The following SLCO1A2 variants were observed in gnomAD, a reference collection of about 807,000 sequenced individuals.
The protein encoded by SLCO1A2 is OATP-1.
SLCO1A2 carries 67 observed loss-of-function variants against 69.0 expected under a neutral mutation model. The observed-to-expected ratio is 0.97, with a 90% CI of 0.80 to 1.19. The LOEUF (loss-of-function observed/expected upper bound fraction) is 1.19. Among genes scored for constraint, SLCO1A2 ranks in the 50% most tolerant of loss-of-function variants. The pLI, the probability that SLCO1A2 is intolerant of heterozygous loss-of-function variation, is 0.00. For synonymous variants in SLCO1A2, 260 were observed against 265.9 expected (o/e 0.98, Z 0.22); for missense variants, 787 against 793.7 (o/e 0.99, Z 0.10).
chr12:21,275,300 TA>T (rs764101200), intron 13 of SLCO1A2, 59 bp downstream of exon 13: 4 of 1,389,586 alleles, frequency 2.9e-6, no homozygotes, highest in African/African-American at 2.9e-5. Context: ...TAAAGTGTAA[TA>T]AAAAATAATA....
chr12:21,361,783 G>A (rs1262998541), intron 2 of SLCO1A2, among the ~76,000 whole-genome samples: 1 of 152,164 alleles, frequency 6.6e-6, no homozygotes, highest in Non-Finnish European at 1.5e-5. Flanking sequence ...TCAAATAGAA[G>A]AAAGGGTATC....
chr12:21,397,731 G>T (rs1420498994), upstream of SLCO1A2, among the ~76,000 whole-genome samples: 8 of 140,018 alleles, frequency 5.7e-5, no homozygotes, highest in Admixed American at 5.9e-4. Context: ...ACTCAAAACC[G>T]CTCAACTACA....
chr12:21,291,563 A>C (rs781527704), intron 12 of SLCO1A2, among the ~76,000 whole-genome samples: 1 of 152,216 alleles, frequency 6.6e-6, no homozygotes, highest in Non-Finnish European at 1.5e-5. Flanking sequence ...ATTGTTTACT[A>C]GGCACAAAGA....
intron 2 of SLCO1A2, among the ~76,000 whole-genome samples, chr12:21,340,967 T>G (rs1953050445): frequency 6.6e-6 from 1 of 151,968 alleles, no homozygotes; most frequent in Non-Finnish European, 1.5e-5. Flanking sequence ...ATAAACAATA[T>G]ATACTGCTTT....
At chr12:21,347,075 G>A (rs931885443) in intron 2 of SLCO1A2, among the ~76,000 whole-genome samples, 1 of 151,718 alleles carries the variant, frequency 6.6e-6, no homozygotes, top group Non-Finnish European at 1.5e-5. Flanking sequence ...CTTTTGATAA[G>A]TTGAATTAAA....
intron 1 of SLCO1A2, among the ~76,000 whole-genome samples, chr12:21,404,160 A>T (rs913876008): frequency 2.6e-5 from 4 of 152,170 alleles, no homozygotes; most frequent in African/African-American, 9.7e-5. Flanking sequence ...ATTAGGGGCT[A>T]TGTAAAGTAA....
intron 12 of SLCO1A2, among the ~76,000 whole-genome samples, chr12:21,290,120 ATATT>A (rs1348761754): frequency 4.0e-5 from 6 of 151,864 alleles, no homozygotes; most frequent in African/African-American, 1.5e-4. Context: ...TATAATTTAT[ATATT>A]TATATATAGT....
chr12:21,363,353 C>G (rs1421532863), intron 2 of SLCO1A2, among the ~76,000 whole-genome samples: 6 of 152,036 alleles, frequency 3.9e-5, no homozygotes, highest in Non-Finnish European at 5.9e-5. Context: ...CGAATGAGAA[C>G]AAAGACACAA....
intron 2 of SLCO1A2, among the ~76,000 whole-genome samples, chr12:21,344,195 C>T (rs1324984249): frequency 6.6e-6 from 1 of 152,038 alleles, no homozygotes; most frequent in African/African-American, 2.4e-5. Context: ...TATTAAAAAA[C>T]TATATTTCCT....
intron 1 of SLCO1A2, among the ~76,000 whole-genome samples, chr12:21,402,148 AC>A (rs1252541849): frequency 2.4e-4 from 36 of 150,780 alleles, no homozygotes; most frequent in Non-Finnish European, 4.4e-4. Flanking sequence ...AAAAAAAAAA[AC>A]CAAGAAACTA....
intron 1 of SLCO1A2, among the ~76,000 whole-genome samples, chr12:21,385,593 A>G (rs1459064942): frequency 6.6e-6 from 1 of 152,200 alleles, no homozygotes; most frequent in East Asian, 1.9e-4. Context: ...AAAAAGAGCA[A>G]AAGAGAAGGG....
chr12:21,324,534 CA>C (rs1375523777), intron 2 of SLCO1A2: 2 of 152,098 alleles, frequency 1.3e-5, no homozygotes, highest in Admixed American at 6.6e-5. Flanking sequence ...TGTTATAAAA[CA>C]AAAGACTCTT....
In SLCO1A2 at chr12:21,297,378, A is replaced by C. The variant is rs761937071; in HGVS notation, c.1075+26T>G. ...CTGTTCGTGGGGGGGAAAGTGTGCT[A>C]GTAAGGCAGAGAAAAACAAACATAC... is the stretch of plus-strand genomic sequence containing the variant. On this transcript the variant is annotated intron_variant, in intron 9 of 14. Transcript: ENST00000683939. 13 of 1,592,582 alleles carry C rather than the reference A, an allele frequency of 8.2e-6. No individual in the cohort carries two copies. In the East Asian group the frequency reaches 2.9e-4, roughly 36 times the overall value.
At chr12:21,293,863 A>G in intron 11 of SLCO1A2, 82 bp downstream of exon 11, 1 of 1,143,732 alleles carries the variant, frequency 8.7e-7, no homozygotes, top group Non-Finnish European at 1.2e-6. Flanking sequence ...CACTAATTTT[A>G]CTTTTATTAA....
At chr12:21,297,331 G>T in intron 9 of SLCO1A2, 73 bp downstream of exon 9, 1 of 1,138,908 alleles carries the variant, frequency 8.8e-7, no homozygotes, top group Non-Finnish European at 1.2e-6. Flanking sequence ...CAACTTAGGA[G>T]TTTGCTACAC....
At chr12:21,352,624 C>T (rs1938051939) in intron 2 of SLCO1A2, among the ~76,000 whole-genome samples, 1 of 152,174 alleles carries the variant, frequency 6.6e-6, no homozygotes, top group Non-Finnish European at 1.5e-5. Flanking sequence ...ATAGACAAAA[C>T]TTTGTTGCTC....
chr12:21,356,627 A>C (rs1170373249), intron 2 of SLCO1A2, among the ~76,000 whole-genome samples: 2 of 152,140 alleles, frequency 1.3e-5, no homozygotes, highest in African/African-American at 4.8e-5. Context: ...ACTAAAGGGA[A>C]CAATTCACAG....
intron 14 of SLCO1A2, among the ~76,000 whole-genome samples, 181 bp from the exon 15 acceptor site, chr12:21,269,948 TG>T (rs1201963710): frequency 6.6e-6 from 1 of 151,902 alleles, no homozygotes; most frequent in African/African-American, 2.4e-5. Flanking sequence ...AAATATTTTA[TG>T]TTTTTTTAAT....
At chr12:21,295,478 G>A in intron 10 of SLCO1A2, 119 bp downstream of exon 10, 2 of 673,276 alleles carry the variant, frequency 3.0e-6, no homozygotes, top group East Asian at 5.3e-5. Flanking sequence ...TACAGGAAAA[G>A]CATGGATTAC....
Sources: allele counts gnomAD v4.1 joint callset (sites outside exome capture counted in the v4.1 genomes callset), GRCh38; gene constraint gnomAD v4.1.1; transcripts MANE v1.5; gene names NCBI Gene and HGNC (gene_info 2026-07-23, HGNC 2026-07-21).